Variants in NTSR1 observed in about 807,000 individuals in gnomAD.
NTSR1 encodes neurotensin receptor 1, also known as neurotensin receptor type 1.
NTSR1 carries 29 observed loss-of-function variants against 31.2 expected under a neutral mutation model. The observed-to-expected ratio is 0.93, with a 90% CI of 0.69 to 1.27. NTSR1 has a LOEUF of 1.27. Among genes scored for constraint, NTSR1 ranks in the 50% most tolerant of loss-of-function variants. The probability of loss-of-function intolerance (pLI) is 0.00; values close to 1 mark genes in which losing one functional copy is unlikely to be tolerated. For missense variants in NTSR1, 697 were observed against 595.4 expected (o/e 1.17, Z -1.78); for synonymous variants, 282 against 269.9 (o/e 1.04, Z -0.44).
chr20:62,739,790 G>A (rs1033665410), intron 1 of NTSR1, among the ~76,000 whole-genome samples: 1 of 152,280 alleles, frequency 6.6e-6, no homozygotes, highest in Non-Finnish European at 1.5e-5. Context: ...TGGCAGAAAA[G>A]CACACAGAGA....
intron 1 of NTSR1, among the ~76,000 whole-genome samples, chr20:62,712,405 C>T (rs540084531): frequency 6.6e-6 from 1 of 152,358 alleles, no homozygotes; most frequent in South Asian, 2.1e-4. Context: ...TCCTTTCCTG[C>T]CCCAGCGTCT....
Position 62,758,430 on chromosome 20 carries a change from C to T in NTSR1, c.1007+74C>T, listed in dbSNP as rs1371118036. 2 of 1,372,476 alleles carry T rather than the reference C, an allele frequency of 1.5e-6. No individual in the cohort carries two copies. Among genetic ancestry groups the T allele is most frequent in the Non-Finnish European group, 2.1e-6 (2 of 970,586 alleles). 85.0% of individuals were successfully genotyped at this position (1,372,476 alleles called of 1,614,324 possible). A position where few individuals can be genotyped will look rare whatever the true frequency, so the allele number is the denominator to read the frequency against. On this transcript the variant is annotated intron_variant, in intron 3 of 3. Transcript: ENST00000370501. This position sits in a 1 kb window ranked among gnomAD's most constrained non-coding sequence, Gnocchi z 4.5. ...CAAAACAGATGGTGGGTGTGGCAGG[C>T]ACTGCTGAGGGGATCCACTCAGGGC...
At chr20:62,719,207 G>A (rs181344682) in intron 1 of NTSR1, among the ~76,000 whole-genome samples, 9 of 151,650 alleles carry the variant, frequency 5.9e-5, no homozygotes, top group African/African-American at 1.9e-4. Context: ...TATTCCTAGT[G>A]TGCTGAGAGA....
At chr20:62,717,368 T>C (rs1434766584) in intron 1 of NTSR1, among the ~76,000 whole-genome samples, 2 of 152,186 alleles carry the variant, frequency 1.3e-5, no homozygotes, top group African/African-American at 2.4e-5. Flanking sequence ...ATCAGGAGAA[T>C]GCTTCCCGAG....
intron 1 of NTSR1, among the ~76,000 whole-genome samples, chr20:62,719,452 C>T (rs1206565737): frequency 6.0e-5 from 9 of 150,344 alleles, no homozygotes; most frequent in African/African-American, 1.2e-4. Context: ...CCCTCCCTCT[C>T]GGTACATCGT....
At position 62,760,385 on chromosome 20, in the gene NTSR1, G is replaced by A; in HGVS notation, c.*118G>A. The A allele has an allele frequency of 8.6e-7, 1 of 1,163,576 alleles. No homozygotes were observed. Among genetic ancestry groups the A allele is most frequent in the East Asian group, 2.6e-5 (1 of 38,968 alleles). The allele number at this position is 1,163,576 out of a possible 1,614,324, so 72.1% of individuals were successfully genotyped here. A position where few individuals can be genotyped will look rare whatever the true frequency, so the allele number is the denominator to read the frequency against. The stretch of plus-strand genomic sequence containing the variant: ...GGTCAGGCAGAGGCCAGCCTGCACT[G>A]GAGTCTGAGGCCTGGGACCCCCCCC... On this transcript the variant is annotated 3_prime_UTR_variant, in exon 4 of 4. Transcript: ENST00000370501.
Position 62,762,201 on chromosome 20 carries a change from C to G in NTSR1, c.*1934C>G, listed in dbSNP as rs1989637389. 1 of 152,262 alleles carries G rather than the reference C, an allele frequency of 6.6e-6. No homozygotes were observed. The highest frequency in any genetic ancestry group is 1.5e-5 in the Non-Finnish European group (1 of 68,062). The allele number at this position is 152,262 out of a possible 1,614,324, so 9.4% of individuals were successfully genotyped here. A position where few individuals can be genotyped will look rare whatever the true frequency, so the allele number is the denominator to read the frequency against. On this transcript the variant is annotated 3_prime_UTR_variant, in exon 4 of 4. Transcript: ENST00000370501. ...CTGGACTCAGAGCCAGACAGGGCAG[C>G]CTCAGACCCTTCTCTGGGGCTCCTG...
At position 62,733,149 on chromosome 20, in the gene NTSR1, T is replaced by A. The variant is rs1414050669; in HGVS notation, c.715-21536T>A. Reference sequence around the variant, plus strand: ...CAAATTCTGAGTGAAGTAAATGTCATCGGCAGTGTGTAGACGTTCTTTCGG... The same window carrying A: ...CAAATTCTGAGTGAAGTAAATGTCAACGGCAGTGTGTAGACGTTCTTTCGG... On this transcript the variant is annotated intron_variant, in intron 1 of 3. Transcript: ENST00000370501. The surrounding 1 kb of genome is among the most constrained non-coding windows in gnomAD (Gnocchi z 5.2). The A allele has an allele frequency of 6.9e-6, 1 of 144,904 alleles. No homozygotes were observed. The highest frequency in any genetic ancestry group is 1.5e-5 in the Non-Finnish European group (1 of 65,884). The allele number at this position is 144,904 out of a possible 1,614,324, so 9.0% of individuals were successfully genotyped here.
In NTSR1 at chr20:62,758,976, C is replaced by A. The variant is rs1412298753; in HGVS notation, c.1007+620C>A. On this transcript the variant is annotated intron_variant, in intron 3 of 3. Coordinates refer to ENST00000370501, the MANE Select transcript of NTSR1 (RefSeq NM_002531.3). The surrounding 1 kb of genome is among the most constrained non-coding windows in gnomAD (Gnocchi z 4.5). ...GCACCAACAGTTCAGGGGCAGGGAG[C>A]CCTTCTCACCCAAAAATGGCAGAGC... 6.6e-6 allele frequency among the ~76,000 whole-genome samples: 1 copy of A among 152,182 alleles called. No homozygotes were observed. Among genetic ancestry groups the A allele is most frequent in the Non-Finnish European group, 1.5e-5 (1 of 68,028 alleles).
At position 62,733,259 on chromosome 20, in the gene NTSR1, G is replaced by A. The variant is rs1304532463; in HGVS notation, c.715-21426G>A. 2 of 152,210 alleles carry A rather than the reference G, an allele frequency of 1.3e-5. No individual in the cohort carries two copies. Among genetic ancestry groups the A allele is most frequent in the Admixed American group, 6.5e-5 (1 of 15,284 alleles). 9.4% of individuals were successfully genotyped at this position (152,210 alleles called of 1,614,324 possible). ...CCGGTCCCCGCAGGGCCACCCTGGA[G>A]GCACCTCTGCACCTCCCAGGCACAG... On this transcript the variant is annotated intron_variant, in intron 1 of 3. Transcript: ENST00000370501. The surrounding 1 kb of genome is among the most constrained non-coding windows in gnomAD (Gnocchi z 5.2).
In NTSR1 at chr20:62,744,670, T is replaced by C. The variant is rs573824376; in HGVS notation, c.715-10015T>C. ...TGAACCTGGGAGACGGAGGTTGTGA[T>C]AAGCAGAAATCGCGCCACTGCACTC... On this transcript the variant is annotated intron_variant, in intron 1 of 3. Coordinates refer to ENST00000370501, the MANE Select transcript of NTSR1 (RefSeq NM_002531.3). This position sits in a 1 kb window ranked among gnomAD's most constrained non-coding sequence, Gnocchi z 4.1. Among the ~76,000 whole-genome samples the C allele has an allele frequency of 6.6e-6, 1 of 151,970 alleles. No homozygotes were observed. The highest frequency in any genetic ancestry group is 6.5e-5 in the Admixed American group (1 of 15,278).
At chr20:62,710,692 C>T (rs1988592133) in intron 1 of NTSR1, among the ~76,000 whole-genome samples, 1 of 152,122 alleles carries the variant, frequency 6.6e-6, no homozygotes, top group African/African-American at 2.4e-5. Flanking sequence ...TGGGAAGCCC[C>T]CTTGGGAATC....
At chr20:62,713,320 G>A (rs1988653374) in intron 1 of NTSR1, among the ~76,000 whole-genome samples, 1 of 152,202 alleles carries the variant, frequency 6.6e-6, no homozygotes, top group South Asian at 2.1e-4. Flanking sequence ...TCCCTCCCAG[G>A]GGCAGACAGG....
At position 62,758,476 on chromosome 20, in the gene NTSR1, G is replaced by A. The variant is rs1173366942; in HGVS notation, c.1007+120G>A. ...AGGGCAGGGGTGTGGTGAGTCCCCCGGCGACCCCCTGGGCAGGGTTGTGCT... is the reference window on the plus strand; with the variant it reads ...AGGGCAGGGGTGTGGTGAGTCCCCCAGCGACCCCCTGGGCAGGGTTGTGCT... On this transcript the variant is annotated intron_variant, in intron 3 of 3. Transcript: ENST00000370501. This position sits in a 1 kb window ranked among gnomAD's most constrained non-coding sequence, Gnocchi z 4.5. 1.8e-5 allele frequency: 16 copies of A among 873,800 alleles called. No individual in the cohort carries two copies. Among genetic ancestry groups the A allele is most frequent in the South Asian group, 1.1e-4 (7 of 64,698 alleles). The allele number at this position is 873,800 out of a possible 1,614,324, so 54.1% of individuals were successfully genotyped here.
chr20:62,741,831 G>T lies in NTSR1; in HGVS notation c.715-12854G>T, dbSNP rs944891956. ...ACATGCCACAAAGCTTCACCAGTGG[G>T]GATGAGGATCTGCTCATAGGATGGC... On this transcript the variant is annotated intron_variant, in intron 1 of 3. Coordinates refer to ENST00000370501, the MANE Select transcript of NTSR1 (RefSeq NM_002531.3). The surrounding 1 kb of genome is among the most constrained non-coding windows in gnomAD (Gnocchi z 4.3). 4.7e-5 allele frequency among the ~76,000 whole-genome samples: 7 copies of T among 149,472 alleles called. 1 individual carries two copies. The highest frequency in any genetic ancestry group is 1.7e-4 in the African/African-American group (7 of 40,006).
intron 1 of NTSR1, among the ~76,000 whole-genome samples, chr20:62,749,213 G>T (rs1339468945): frequency 6.6e-6 from 1 of 152,152 alleles, no homozygotes; most frequent in Non-Finnish European, 1.5e-5. Flanking sequence ...AGGCCGAGGT[G>T]GGCGGATCAC....
intron 1 of NTSR1, among the ~76,000 whole-genome samples, chr20:62,720,113 A>T (rs963867494): frequency 1.3e-5 from 2 of 152,198 alleles, no homozygotes; most frequent in East Asian, 3.9e-4. Context: ...CAGCCTGGCC[A>T]ACAGGATGAA....
chr20:62,731,452 C>T (rs6090478), intron 1 of NTSR1, among the ~76,000 whole-genome samples: 121,313 of 152,074 alleles, frequency 0.8, 49,114 homozygotes, highest in East Asian at 0.96. Flanking sequence ...TTTGATGTTG[C>T]ATCTAAAAAC....
rs116148618 is a variant in NTSR1 at position 62,715,204 on chromosome 20, C to T, written c.714+5283C>T. Among the ~76,000 whole-genome samples the T allele has an allele frequency of 3.6e-3, 545 of 152,302 alleles. 5 individuals carry two copies. Among genetic ancestry groups the T allele is most frequent in the African/African-American group, 0.012 (519 of 41,556 alleles). On this transcript the variant is annotated intron_variant, in intron 1 of 3. Transcript: ENST00000370501. This position sits in a 1 kb window ranked among gnomAD's most constrained non-coding sequence, Gnocchi z 4.7. Reference sequence around the variant, plus strand: ...TGAAATCACCGTTCAGATGGTGACTCTGAGGCTGTGGGGGGTGAGAGGGCA... The same window carrying T: ...TGAAATCACCGTTCAGATGGTGACTTTGAGGCTGTGGGGGGTGAGAGGGCA...
Sources: allele counts gnomAD v4.1 joint callset (sites outside exome capture counted in the v4.1 genomes callset), GRCh38; gene constraint gnomAD v4.1.1; non-coding constraint Gnocchi (gnomAD v3.1); transcripts MANE v1.5; gene names NCBI Gene and HGNC (gene_info 2026-07-23, HGNC 2026-07-21).